Variants in FREM1 observed in about 807,000 individuals in gnomAD.
FREM1 encodes the protein FRAS1 related extracellular matrix 1.
A neutral mutation model predicts 210.1 loss-of-function variants in FREM1; 220 were observed. The ratio of observed to expected loss-of-function variants is 1.05; its 90% CI spans 0.94 to 1.17. The LOEUF is 1.17. Among genes scored for constraint, FREM1 ranks in the 50% most tolerant of loss-of-function variants. FREM1 has a pLI of 0.00. For synonymous variants in FREM1, 1,189 were observed against 980.2 expected (o/e 1.21, Z -3.98); for missense variants, 3,454 against 2,675.5 (o/e 1.29, Z -6.42).
At chr9:14,772,983 C>T (rs576575056) in intron 25 of FREM1, among the ~76,000 whole-genome samples, 8 of 152,270 alleles carry the variant, frequency 5.3e-5, no homozygotes, top group South Asian at 4.2e-4. Flanking sequence ...AACACGGTCC[C>T]GTCATGTCTC....
rs780012875 is a variant in FREM1, at chr9:14,851,448, G to A, written c.988C>T (p.Pro330Ser). ...LDCEEDETPK[P>S]LLVFNITKAP... ...TTAGTAATGTTGAACACCAGCAAGG[G>A]TTTAGGGGTCTCATCTTCTTCACAG... is the stretch of plus-strand genomic sequence containing the variant. Residue 330 changes from proline (P) to serine (S), a missense_variant, in exon 6 of 37, where the codon CCC becomes TCC. By Grantham distance (74) the Pro-to-Ser change is moderately conservative. Transcript: ENST00000380880. The A allele has an allele frequency of 8.7e-6, 14 of 1,613,886 alleles. No homozygotes were observed. Among genetic ancestry groups the A allele is most frequent in the African/African-American group, 1.3e-5 (1 of 74,922 alleles).
chr9:14,902,308 C>T (rs1225512147), intron 1 of FREM1, among the ~76,000 whole-genome samples: 8 of 152,174 alleles, frequency 5.3e-5, no homozygotes. Context: ...ACTATATGAT[C>T]TCTGACCGTG....
At chr9:14,894,647 T>C (rs1837393278) in intron 1 of FREM1, among the ~76,000 whole-genome samples, 1 of 152,236 alleles carries the variant, frequency 6.6e-6, no homozygotes, top group African/African-American at 2.4e-5. Context: ...TCCTTTGTTT[T>C]GTTTTTTTAG....
intron 1 of FREM1, among the ~76,000 whole-genome samples, chr9:14,899,982 C>T (rs1346058206): frequency 6.6e-6 from 1 of 152,178 alleles, no homozygotes; most frequent in Admixed American, 6.5e-5. Flanking sequence ...ATAACGTGAA[C>T]GGTGTTCCTG....
At chr9:14,815,908 A>G (rs1432578429) in intron 15 of FREM1, among the ~76,000 whole-genome samples, 3 of 152,194 alleles carry the variant, frequency 2.0e-5, no homozygotes, top group African/African-American at 7.2e-5. Flanking sequence ...TTGGCATCCC[A>G]AAGTGCTGGG....
At chr9:14,747,470 A>G in intron 32 of FREM1, 42 bp from the exon 33 acceptor site, 1 of 1,568,704 alleles carries the variant, frequency 6.4e-7, no homozygotes, top group Non-Finnish European at 8.7e-7. Context: ...GAAAAAACAA[A>G]CATCAAGATA....
rs750699682 is a variant in FREM1, at chr9:14,756,376, G to A, written c.5405C>T (p.Pro1802Leu). The A allele has an allele frequency of 6.3e-7, 1 of 1,585,708 alleles. No individual in the cohort carries two copies. Among genetic ancestry groups the A allele is most frequent in the Non-Finnish European group, 8.6e-7 (1 of 1,165,386 alleles). Reference protein sequence around the residue: ...VIPSKLIQFDPGMSTKMWNIA... With the variant: ...VIPSKLIQFDLGMSTKMWNIA... ...CAAACTGCAGACACAAAATGTACCT[G>A]GGTCAAACTGAATCAGTTTAGATGG... is the stretch of plus-strand genomic sequence containing the variant. The change falls in exon 29 of 37, where the codon CCA becomes CTA. Residue 1802 changes from proline (P) to leucine (L), a missense_variant and splice_region_variant. By Grantham distance (98) the Pro-to-Leu change is moderately conservative (BLOSUM62 -3). Coordinates refer to ENST00000380880, the MANE Select transcript of FREM1 (RefSeq NM_001379081.2).
At chr9:14,801,587 A>T (rs1465286513) in intron 20 of FREM1, 65 bp downstream of exon 20, 1 of 1,128,582 alleles carries the variant, frequency 8.9e-7, no homozygotes, top group Non-Finnish European at 1.3e-6. Flanking sequence ...TAGATTTCAC[A>T]TATAAGTATG....
intron 3 of FREM1, among the ~76,000 whole-genome samples, chr9:14,863,014 C>T (rs114181105): frequency 0.012 from 1,763 of 152,116 alleles, 34 homozygotes; most frequent in African/African-American, 0.04. Context: ...CTGTCTCCTA[C>T]GGTCATTCCA....
At chr9:14,783,090 G>C (rs1587944559) in intron 24 of FREM1, among the ~76,000 whole-genome samples, 1 of 152,196 alleles carries the variant, frequency 6.6e-6, no homozygotes, top group Non-Finnish European at 1.5e-5. Flanking sequence ...TTACCTGCTT[G>C]TTAAGGGACA....
chr9:14,835,142 A>G (rs1021276199), intron 10 of FREM1, among the ~76,000 whole-genome samples: 1 of 152,256 alleles, frequency 6.6e-6, no homozygotes, highest in Non-Finnish European at 1.5e-5. Context: ...GACTGCACTC[A>G]CAAAGTTAAA....
intron 14 of FREM1, among the ~76,000 whole-genome samples, chr9:14,818,851 T>C (rs919567810): frequency 6.6e-6 from 1 of 152,236 alleles, no homozygotes; most frequent in Admixed American, 6.5e-5. Context: ...TTCTGGGTTA[T>C]GAAATTTGCT....
intron 16 of FREM1, among the ~76,000 whole-genome samples, chr9:14,811,447 C>A (rs1040487567): frequency 2.0e-5 from 3 of 152,134 alleles, no homozygotes; most frequent in African/African-American, 7.2e-5. Context: ...GTCTTTGGAT[C>A]CCTTTTCTGC....
intron 1 of FREM1, among the ~76,000 whole-genome samples, chr9:14,892,419 G>A (rs1836984277): frequency 1.3e-5 from 2 of 152,076 alleles, no homozygotes; most frequent in Non-Finnish European, 2.9e-5. Flanking sequence ...GTGGGTTAAA[G>A]GCCCCTCTTA....
At chr9:14,884,896 T>G (rs1040579259) in intron 1 of FREM1, among the ~76,000 whole-genome samples, 3 of 145,394 alleles carry the variant, frequency 2.1e-5, no homozygotes, top group Non-Finnish European at 4.5e-5. Flanking sequence ...GTTATCAAGA[T>G]ATCAATAATT....
chr9:14,891,596 C>A (rs143890166), intron 1 of FREM1, among the ~76,000 whole-genome samples: 3 of 152,158 alleles, frequency 2.0e-5, no homozygotes, highest in South Asian at 2.1e-4. Flanking sequence ...GTGGTAAGTG[C>A]AGTAATGGTG....
intron 36 of FREM1, among the ~76,000 whole-genome samples, chr9:14,739,009 CAAAA>C (rs386414499): frequency 3.4e-5 from 3 of 87,768 alleles, no homozygotes. Flanking sequence ...GATTCTGTCT[CAAAA>C]AAAAAAAAAA....
intron 1 of FREM1, among the ~76,000 whole-genome samples, chr9:14,896,478 G>A (rs1837741131): frequency 1.3e-5 from 2 of 148,424 alleles, no homozygotes; most frequent in African/African-American, 5.0e-5. Context: ...GGGGGAGACA[G>A]AGGTTGCAGT....
chr9:14,859,105 T>A (rs983643036), intron 4 of FREM1, 78 bp downstream of exon 4: 4 of 1,204,462 alleles, frequency 3.3e-6, no homozygotes, highest in Middle Eastern at 2.1e-4. Flanking sequence ...GAACTCTTCA[T>A]CATGGTGGAA....
Sources: gnomAD v4.1 joint callset for allele counts (sites outside exome capture counted in the v4.1 genomes callset) on GRCh38, gnomAD v4.1.1 for gene constraint, MANE v1.5 for transcripts, NCBI Gene and HGNC (gene_info 2026-07-23, HGNC 2026-07-21) for gene names.